Variants in STAT5B observed in about 807,000 individuals in gnomAD.
The protein encoded by STAT5B is transcription factor STAT5B.
Under a neutral mutation model 107.8 loss-of-function variants are expected in STAT5B, and 21 were observed. The ratio of observed to expected loss-of-function variants is 0.19; its 90% CI spans 0.14 to 0.28. STAT5B has a LOEUF of 0.28. Among genes scored for constraint, STAT5B ranks in the 10% least tolerant of loss-of-function variants. STAT5B has a pLI of 1.00. For synonymous variants in STAT5B, 325 were observed against 401.7 expected (o/e 0.81, Z 2.28); for missense variants, 565 against 1,008.2 (o/e 0.56, Z 5.95).
In STAT5B at chr17:42,212,207, CCA is replaced by C; in HGVS notation, c.1474-19_1474-18del. The C allele has an allele frequency of 6.2e-7, 1 of 1,614,154 alleles. No homozygotes were observed. Among genetic ancestry groups the C allele is most frequent in the African/African-American group, 1.3e-5 (1 of 75,020 alleles). On this transcript the variant is annotated intron_variant, in intron 12 of 18. Transcript: ENST00000293328. The stretch of plus-strand genomic sequence containing the variant: ...CACCCTGCCCTGAGAGGGAGAGAGG[CCA>C]GAATCTGATGAGAAAACAGTTGCAT...
At position 42,217,008 on chromosome 17, in the gene STAT5B, A is replaced by T; in HGVS notation, c.1380+152T>A. On this transcript the variant is annotated intron_variant, in intron 11 of 18. Transcript: ENST00000293328. ...TTCATGTCTTAAGAGAACCTAAGTG[A>T]AACAGTTCTCAGGGTGAGGTCAGTC... The T allele has an allele frequency of 2.9e-6, 4 of 1,359,552 alleles. No homozygotes were observed. The Admixed American group carries it at 6.5e-5, about 22-fold the overall frequency. 84.2% of individuals were successfully genotyped at this position (1,359,552 alleles called of 1,614,324 possible). A position where few individuals can be genotyped will look rare whatever the true frequency, so the allele number is the denominator to read the frequency against.
At chr17:42,252,281 T>C (rs544300595) in intron 1 of STAT5B, among the ~76,000 whole-genome samples, 2 of 152,256 alleles carry the variant, frequency 1.3e-5, no homozygotes, top group South Asian at 4.1e-4. Flanking sequence ...ATCAGTACAA[T>C]ATTTGTATCC....
At chr17:42,224,436 C>T (rs1381544772) in intron 4 of STAT5B, among the ~76,000 whole-genome samples, 1 of 151,768 alleles carries the variant, frequency 6.6e-6, no homozygotes, top group Non-Finnish European at 1.5e-5. Flanking sequence ...ACCTCCTGGG[C>T]TCAAGGGATC....
At chr17:42,284,890 T>A in the STAT5B span, among the ~76,000 whole-genome samples, 1 of 152,158 alleles carries the variant, frequency 6.6e-6, no homozygotes, top group Non-Finnish European at 1.5e-5. Flanking sequence ...TCAAAGGGTG[T>A]GATTCTGGCC....
At chr17:42,252,087 A>T (rs369687361) in intron 1 of STAT5B, among the ~76,000 whole-genome samples, 2 of 152,166 alleles carry the variant, frequency 1.3e-5, no homozygotes, top group Admixed American at 6.6e-5. Flanking sequence ...GAATGCTAGA[A>T]GATCATCTGG....
intron 5 of STAT5B, among the ~76,000 whole-genome samples, chr17:42,222,244 C>T: frequency 6.6e-6 from 1 of 151,726 alleles, no homozygotes; most frequent in Non-Finnish European, 1.5e-5. Context: ...TGAGCCAAGG[C>T]TTCTCTGAGA....
chr17:42,210,518 G>C (rs931080846), intron 13 of STAT5B, 21 bp from the exon 14 acceptor site: 1 of 1,582,710 alleles, frequency 6.3e-7, no homozygotes, highest in African/African-American at 1.3e-5. Context: ...ATACAACAGT[G>C]AACATAAGAA....
At chr17:42,252,331 T>C (rs1296011480) in intron 1 of STAT5B, among the ~76,000 whole-genome samples, 2 of 152,158 alleles carry the variant, frequency 1.3e-5, no homozygotes, top group Admixed American at 1.3e-4. Context: ...TTTTAAAAGA[T>C]GGGATGTTTT....
chr17:42,261,841 T>G (rs953700956), intron 1 of STAT5B, among the ~76,000 whole-genome samples: 14 of 152,302 alleles, frequency 9.2e-5, no homozygotes, highest in Admixed American at 4.6e-4. Flanking sequence ...ATTAAAGGCA[T>G]GGGCCACCAT....
At chr17:42,218,097 T>C in intron 9 of STAT5B, 54 bp downstream of exon 9, 2 of 1,587,742 alleles carry the variant, frequency 1.3e-6, no homozygotes, top group Non-Finnish European at 1.7e-6. Flanking sequence ...CTTTTTTTCC[T>C]GTTGCCAGGA....
chr17:42,214,401 G>T lies in STAT5B; in HGVS notation c.1473+1613C>A, dbSNP rs2080154583. Reference sequence around the variant, plus strand: ...GGAGCTTCTGATTCAGAGTTTGTAAGTGAAGTATGGTAAATCTCTTAAAAA... The same window carrying T: ...GGAGCTTCTGATTCAGAGTTTGTAATTGAAGTATGGTAAATCTCTTAAAAA... On this transcript the variant is annotated intron_variant, in intron 12 of 18. Transcript: ENST00000293328. 11 of 984,368 alleles carry T rather than the reference G, an allele frequency of 1.1e-5. No homozygotes were observed. The South Asian group carries it at 5.2e-4, about 46-fold the overall frequency. The allele number at this position is 984,368 out of a possible 1,614,324, so 61.0% of individuals were successfully genotyped here.
intron 1 of STAT5B, among the ~76,000 whole-genome samples, chr17:42,250,030 C>CA (rs1310181114): frequency 6.6e-6 from 1 of 152,098 alleles, no homozygotes; most frequent in Non-Finnish European, 1.5e-5. Flanking sequence ...CCCAGAGGAG[C>CA]AAAATTAGAC....
At position 42,200,901 on chromosome 17, in the gene STAT5B, G is replaced by A. The variant is rs1489694893; in HGVS notation, c.*837C>T. On this transcript the variant is annotated 3_prime_UTR_variant, in exon 19 of 19. Transcript: ENST00000293328. ...ATCTCAGCGCCTGGGAGTCAGGGCT[G>A]CGCACTCCACTCTGGCCAGAACACA... 2 of 394,850 alleles carry A rather than the reference G, an allele frequency of 5.1e-6. No individual in the cohort carries two copies. Among genetic ancestry groups the A allele is most frequent in the African/African-American group, 2.1e-5 (1 of 48,568 alleles). The allele number at this position is 394,850 out of a possible 1,614,324, so 24.5% of individuals were successfully genotyped here.
rs1298262929 is a variant in STAT5B, at chr17:42,218,422, C to T, written c.990-92G>A. On this transcript the variant is annotated intron_variant, in intron 8 of 18. Transcript: ENST00000293328. ...CTGTGGTGGGGGTGGGGCTGCCTCC[C>T]GAGGGGCTCAGGAGGTGAAGAGCTC... 35 of 1,547,266 alleles carry T rather than the reference C, an allele frequency of 2.3e-5. 1 individual carries two copies. Among genetic ancestry groups the T allele is most frequent in the Middle Eastern group, 4.7e-4 (2 of 4,238 alleles).
At chr17:42,239,109 G>A (rs1234669583) in intron 1 of STAT5B, among the ~76,000 whole-genome samples, 1 of 151,694 alleles carries the variant, frequency 6.6e-6, no homozygotes. Context: ...TTAGCTGGGC[G>A]TGGTGCCATG....
chr17:42,287,941 T>G, the STAT5B span: 1 of 152,236 alleles, frequency 6.6e-6, no homozygotes, highest in Non-Finnish European at 1.5e-5. Flanking sequence ...AATCCCCAGT[T>G]CTTCCCCTCT....
chr17:42,204,813 T>C (rs2080073235), intron 16 of STAT5B, among the ~76,000 whole-genome samples: 1 of 152,184 alleles, frequency 6.6e-6, no homozygotes, highest in Admixed American at 6.5e-5. Context: ...GGAGTCTCAC[T>C]ATGTTGCCCA....
In STAT5B at chr17:42,219,814, G is replaced by T; in HGVS notation, c.579C>A (p.Ser193Arg). 8 of 1,614,128 alleles carry T rather than the reference G, an allele frequency of 5.0e-6. No homozygotes were observed. The highest frequency in any genetic ancestry group is 6.8e-6 in the Non-Finnish European group (8 of 1,180,018). The change falls in exon 6 of 19, where the codon AGC (serine) becomes AGA (arginine). Residue 193 changes from serine (S) to arginine (R), a missense_variant. Coordinates refer to ENST00000293328, the MANE Select transcript of STAT5B (RefSeq NM_012448.4). ...QAQFGPLAQL[S>R]PQERLSRETA... The stretch of plus-strand genomic sequence containing the variant: ...TCTCCCGGCTCAGACGCTCCTGGGG[G>T]CTCAGCTGGGCCAGCGGGCCAAACT...
At chr17:42,201,984 T>C (rs1437250336) in intron 18 of STAT5B, 120 bp from the exon 19 acceptor site, 5 of 936,198 alleles carry the variant, frequency 5.3e-6, no homozygotes, top group Non-Finnish European at 8.3e-6. Flanking sequence ...TGGGGCTTCA[T>C]GGGAAAAGAA....
Sources: gnomAD v4.1 joint callset for allele counts (sites outside exome capture counted in the v4.1 genomes callset) on GRCh38, gnomAD v4.1.1 for gene constraint, MANE v1.5 for transcripts, NCBI Gene and HGNC (gene_info 2026-07-23, HGNC 2026-07-21) for gene names.